The following IGSF5 variants were observed in gnomAD, a reference collection of about 807,000 sequenced individuals.
The protein encoded by IGSF5 is immunoglobulin superfamily 5 like.
A neutral mutation model predicts 39.4 loss-of-function variants in IGSF5; 41 were observed. The observed-to-expected ratio is 1.04, with a 90% CI of 0.81 to 1.35. IGSF5 has a LOEUF of 1.35. Among genes scored for constraint, IGSF5 ranks in the 40% most tolerant of loss-of-function variants. The pLI is 0.00. For missense variants in IGSF5, 487 were observed against 494.6 expected, an observed-to-expected ratio of 0.98 and a Z score of 0.15; for synonymous variants, 183 against 175.3, an observed-to-expected ratio of 1.04 and a Z score of -0.34.
chr21:39,799,018 C>T (rs2087013508), intron 8 of IGSF5, among the ~76,000 whole-genome samples: 1 of 152,202 alleles, frequency 6.6e-6, no homozygotes, highest in Non-Finnish European at 1.5e-5. Flanking sequence ...GGCACAATGG[C>T]TGACTTAGGC....
At chr21:39,739,723 C>T in the IGSF5 span, among the ~76,000 whole-genome samples, 10 of 152,162 alleles carry the variant, frequency 6.6e-5, no homozygotes, top group East Asian at 1.9e-4. Flanking sequence ...GGGGTGCCTT[C>T]GATGTCGTTA....
At chr21:39,763,573 C>T (rs190170019) in intron 2 of IGSF5, among the ~76,000 whole-genome samples, 16 of 152,290 alleles carry the variant, frequency 1.1e-4, no homozygotes, top group South Asian at 4.1e-4. Context: ...CTCAGCACTT[C>T]GCACAAGGCA....
At chr21:39,765,405 A>G (rs1569251660) in intron 2 of IGSF5, 130 bp from the exon 3 acceptor site, 1 of 786,414 alleles carries the variant, frequency 1.3e-6, no homozygotes. Flanking sequence ...TTCGGATTCA[A>G]AAGACACAGT....
At position 39,760,822 on chromosome 21, in the gene IGSF5, G is replaced by A. The variant is rs371415745; in HGVS notation, c.101-4713G>A. Among the ~76,000 whole-genome samples the A allele has an allele frequency of 7.2e-5, 11 of 152,154 alleles. No homozygotes were observed. In the South Asian group the frequency reaches 1.7e-3, roughly 23 times the overall value. The stretch of plus-strand genomic sequence containing the variant: ...CTTGACCTCATGATCCGCCCACCTC[G>A]GCCTACCAAAGTGCTGGGATTACAG... On this transcript the variant is annotated intron_variant, in intron 2 of 8. Transcript: ENST00000380588.
At chr21:39,763,084 G>C (rs576725062) in intron 2 of IGSF5, among the ~76,000 whole-genome samples, 2 of 152,176 alleles carry the variant, frequency 1.3e-5, no homozygotes, top group South Asian at 4.1e-4. Context: ...GGTTACTGCT[G>C]ATAAGACACA....
intron 3 of IGSF5, among the ~76,000 whole-genome samples, chr21:39,767,500 G>C (rs2146280888): frequency 6.6e-6 from 1 of 152,282 alleles, no homozygotes; most frequent in East Asian, 1.9e-4. Context: ...TTGAGTCCTA[G>C]TGTCCTCATC....
At chr21:39,713,297 GAATT>G in the IGSF5 span, among the ~76,000 whole-genome samples, 1 of 152,214 alleles carries the variant, frequency 6.6e-6, no homozygotes, top group Non-Finnish European at 1.5e-5. Flanking sequence ...TCCATCATGA[GAATT>G]ATTTGCAGAT....
At chr21:39,723,740 T>C in the IGSF5 span, among the ~76,000 whole-genome samples, 3 of 152,182 alleles carry the variant, frequency 2.0e-5, no homozygotes, top group South Asian at 6.2e-4. Context: ...AGAATCAGGA[T>C]CTTGAGTACA....
chr21:39,764,487 C>G (rs1192220846), intron 2 of IGSF5, among the ~76,000 whole-genome samples: 3 of 152,130 alleles, frequency 2.0e-5, no homozygotes, highest in Non-Finnish European at 1.5e-5. Context: ...TTACAGGGAT[C>G]CACAACCACG....
At chr21:39,725,131 C>T in the IGSF5 span, among the ~76,000 whole-genome samples, 1 of 152,240 alleles carries the variant, frequency 6.6e-6, no homozygotes, top group East Asian at 1.9e-4. Flanking sequence ...CCTGCCATTC[C>T]AGATAGAGAT....
chr21:39,729,982 A>G, the IGSF5 span: 3 of 152,198 alleles, frequency 2.0e-5, no homozygotes, highest in African/African-American at 7.2e-5. Context: ...AACAGTGTGG[A>G]TCAGTTTCCT....
rs75886061 is a variant in IGSF5, at chr21:39,781,605, G to C, written c.934+2300G>C. Reference sequence around the variant, plus strand: ...GCATGCTTACCAGCAACACATGAGAGTTCCCGTTTCCCCACAGCCTGGCCA... The same window carrying C: ...GCATGCTTACCAGCAACACATGAGACTTCCCGTTTCCCCACAGCCTGGCCA... On this transcript the variant is annotated intron_variant, in intron 5 of 8. Coordinates refer to ENST00000380588, the MANE Select transcript of IGSF5 (RefSeq NM_001080444.2). Among the ~76,000 whole-genome samples the C allele has an allele frequency of 4.0e-3, 616 of 152,260 alleles. 3 individuals carry two copies. The highest frequency in any genetic ancestry group is 0.014 in the African/African-American group (579 of 41,536).
Position 39,779,205 on chromosome 21 carries a change from G to A in IGSF5, c.834G>A (p.Thr278=), listed in dbSNP as rs569416566. The change falls in exon 5 of 9, where the codon ACG becomes ACA. Residue 278 remains threonine (T), a synonymous_variant. Transcript: ENST00000380588. ...GLGLAGTMLL[T]PTCTLTIRCC... ...GACTAGCAGGCACCATGCTTCTGACGCCGACGTGTACTCTTACAATACGCT... is the reference window on the plus strand; with the variant it reads ...GACTAGCAGGCACCATGCTTCTGACACCGACGTGTACTCTTACAATACGCT... 2.0e-4 allele frequency: 321 copies of A among 1,614,066 alleles called. 2 individuals are homozygous for A. In the South Asian group the frequency reaches 3.1e-3, roughly 16 times the overall value.
chr21:39,765,455 A>T, intron 2 of IGSF5, 80 bp from the exon 3 acceptor site: 1 of 1,336,438 alleles, frequency 7.5e-7, no homozygotes. Context: ...TACCACTGGT[A>T]AATACAGAAA....
chr21:39,747,735 A>G (rs1237547762), intron 2 of IGSF5, among the ~76,000 whole-genome samples: 1 of 152,238 alleles, frequency 6.6e-6, no homozygotes, highest in Non-Finnish European at 1.5e-5. Flanking sequence ...AGTCTAGGTC[A>G]TTAACATAAT....
the IGSF5 span, among the ~76,000 whole-genome samples, chr21:39,724,841 T>C: frequency 2.0e-5 from 3 of 152,328 alleles, no homozygotes; most frequent in East Asian, 5.8e-4. Flanking sequence ...AGGAGAAAGA[T>C]GAAAGGAGTC....
chr21:39,796,041 C>T (rs577292786), intron 8 of IGSF5, among the ~76,000 whole-genome samples: 3 of 152,294 alleles, frequency 2.0e-5, no homozygotes, highest in Admixed American at 6.5e-5. Flanking sequence ...GGCCCAGGCA[C>T]GGCCTCCACG....
At chr21:39,759,651 G>A (rs750342096) in intron 2 of IGSF5, among the ~76,000 whole-genome samples, 2 of 152,058 alleles carry the variant, frequency 1.3e-5, no homozygotes, top group African/African-American at 2.4e-5. Context: ...CAGATCATGA[G>A]GTCAGGAGAT....
the IGSF5 span, among the ~76,000 whole-genome samples, chr21:39,735,694 G>C: frequency 6.6e-6 from 1 of 152,120 alleles, no homozygotes; most frequent in South Asian, 2.1e-4. Context: ...ATTCAATGGA[G>C]AACTCAAAGA....
Sources: gnomAD v4.1 joint callset for allele counts (sites outside exome capture counted in the v4.1 genomes callset) on GRCh38, gnomAD v4.1.1 for gene constraint, MANE v1.5 for transcripts, NCBI Gene and HGNC (gene_info 2026-07-23, HGNC 2026-07-21) for gene names.